DDX4: variants seen among roughly 807,000 people sequenced by gnomAD.
The protein encoded by DDX4 is DEAD-box helicase 4.
In DDX4, 25 loss-of-function variants were observed where a neutral mutation model predicts 100.0. The ratio of observed to expected loss-of-function variants is 0.25; its 90% CI spans 0.18 to 0.35. The LOEUF (loss-of-function observed/expected upper bound fraction) is 0.35. Among genes scored for constraint, DDX4 ranks in the 10% least tolerant of loss-of-function variants. The pLI is 1.00. For missense variants in DDX4, 635 were observed against 882.4 expected, an observed-to-expected ratio of 0.72 and a Z score of 3.55; for synonymous variants, 259 against 275.7, an observed-to-expected ratio of 0.94 and a Z score of 0.60.
chr5:55,785,200 T>A lies in DDX4; in HGVS notation c.626-97T>A, dbSNP rs1254344660. On this transcript the variant is annotated intron_variant, in intron 10 of 21. Coordinates refer to ENST00000505374, the MANE Select transcript of DDX4 (RefSeq NM_024415.3). The stretch of plus-strand genomic sequence containing the variant: ...TATTTGTAAGAAGGGAATTTAAAGT[T>A]TTTTGGAACTTGTTCTCTTTGAAGA... 4 of 800,332 alleles carry A rather than the reference T, an allele frequency of 5.0e-6. No individual in the cohort carries two copies. In the African/African-American group the frequency reaches 6.9e-5, roughly 14 times the overall value. The allele number at this position is 800,332 out of a possible 1,614,324, so 49.6% of individuals were successfully genotyped here.
intron 7 of DDX4, among the ~76,000 whole-genome samples, chr5:55,779,310 G>A (rs544552214): frequency 6.6e-6 from 1 of 152,188 alleles, no homozygotes; most frequent in South Asian, 2.1e-4. Flanking sequence ...TTCAGAAATA[G>A]CATATATAGA....
At chr5:55,767,795 A>G in intron 6 of DDX4, 86 bp from the exon 7 acceptor site, 1 of 912,956 alleles carries the variant, frequency 1.1e-6, no homozygotes, top group South Asian at 2.0e-5. Flanking sequence ...TCTTCTTACT[A>G]ATTTATCTTG....
intron 14 of DDX4, among the ~76,000 whole-genome samples, chr5:55,787,186 T>C (rs1742298330): frequency 6.6e-6 from 1 of 152,238 alleles, no homozygotes; most frequent in Non-Finnish European, 1.5e-5. Context: ...GAGACTCTTA[T>C]TTCTATGATC....
intron 7 of DDX4, among the ~76,000 whole-genome samples, chr5:55,770,306 T>C (rs1212604748): frequency 6.6e-6 from 1 of 152,204 alleles, no homozygotes; most frequent in Non-Finnish European, 1.5e-5. Context: ...TGGGGATGTC[T>C]TTGTCTCTGA....
chr5:55,782,793 CTTTTCTTTT>C (rs905559418), intron 10 of DDX4, among the ~76,000 whole-genome samples: 1 of 147,742 alleles, frequency 6.8e-6, no homozygotes, highest in African/African-American at 2.5e-5. Context: ...AAAGTTTTTT[CTTTTCTTTT>C]TTTTTTTTTT....
intron 6 of DDX4, among the ~76,000 whole-genome samples, chr5:55,766,446 T>G (rs1740931344): frequency 6.6e-6 from 1 of 151,844 alleles, no homozygotes; most frequent in South Asian, 2.1e-4. Context: ...TTGTTTTTTT[T>G]TTTTTTTTCT....
chr5:55,769,862 T>C (rs961684037), intron 7 of DDX4, among the ~76,000 whole-genome samples: 12 of 151,378 alleles, frequency 7.9e-5, no homozygotes, highest in African/African-American at 2.7e-4. Context: ...AATAATGCCT[T>C]CTTTTACTTT....
In DDX4 at chr5:55,815,072, G is replaced by A. The variant is rs1211247255; in HGVS notation, c.1887G>A (p.Gly629=). The change falls in exon 20 of 22, where the codon GGG becomes GGA. Residue 629 remains glycine (G), a synonymous_variant. Coordinates refer to ENST00000505374, the MANE Select transcript of DDX4 (RefSeq NM_024415.3). Reference sequence around the variant, plus strand: ...TTGATGAATATGTTCATCGAATTGGGCGTACTGGTCGTTGTGGGAATACTG... The same window carrying A: ...TTGATGAATATGTTCATCGAATTGGACGTACTGGTCGTTGTGGGAATACTG... ...STIDEYVHRI[G]RTGRCGNTGR... The A allele has an allele frequency of 6.2e-7, 1 of 1,614,110 alleles. No homozygotes were observed. The highest frequency in any genetic ancestry group is 1.7e-5 in the Admixed American group (1 of 60,016).
At chr5:55,803,272 A>G (rs906878024) in intron 18 of DDX4, among the ~76,000 whole-genome samples, 4 of 151,992 alleles carry the variant, frequency 2.6e-5, no homozygotes, top group South Asian at 2.1e-4. Flanking sequence ...TACAAAGGAC[A>G]TGAACTCATC....
At chr5:55,779,582 A>G (rs1372411177) in intron 7 of DDX4, among the ~76,000 whole-genome samples, 2 of 152,208 alleles carry the variant, frequency 1.3e-5, no homozygotes, top group Non-Finnish European at 2.9e-5. Flanking sequence ...TGCTTTGAGT[A>G]AGATGTTTAC....
chr5:55,781,815 G>T, intron 9 of DDX4, 119 bp from the exon 10 acceptor site: 3 of 967,660 alleles, frequency 3.1e-6, no homozygotes, highest in African/African-American at 1.7e-5. Context: ...AGAGATGGAT[G>T]GGTTAAAGGA....
chr5:55,785,692 C>T, intron 12 of DDX4, 37 bp from the exon 13 acceptor site: 1 of 1,574,394 alleles, frequency 6.4e-7, no homozygotes. Flanking sequence ...CTTGTAGTCT[C>T]TGTAACGTAC....
chr5:55,786,864 G>A (rs1434057215), intron 14 of DDX4, among the ~76,000 whole-genome samples, 194 bp downstream of exon 14: 1 of 152,200 alleles, frequency 6.6e-6, no homozygotes, highest in East Asian at 1.9e-4. Context: ...TATTCCTGGG[G>A]TGGTGTTGCT....
At position 55,779,448 on chromosome 5, in the gene DDX4, C is replaced by G. The variant is rs142157161; in HGVS notation, c.395-516C>G. ...TCTGGTTCTGCCCTATGAGTCTGCC[C>G]TATGAGTCTGCTCTATGTGCAATTA... On this transcript the variant is annotated intron_variant, in intron 7 of 21. Coordinates refer to ENST00000505374, the MANE Select transcript of DDX4 (RefSeq NM_024415.3). Among the ~76,000 whole-genome samples, 616 of 152,230 alleles carry G rather than the reference C, an allele frequency of 4.0e-3. 5 individuals carry two copies. Among genetic ancestry groups the G allele is most frequent in the African/African-American group, 0.014 (593 of 41,554 alleles).
chr5:55,754,599 A>T (rs1245854489), intron 3 of DDX4, among the ~76,000 whole-genome samples: 2 of 151,274 alleles, frequency 1.3e-5, no homozygotes, highest in Admixed American at 6.6e-5. Context: ...GGATTTTTGC[A>T]TCAATGTTCA....
chr5:55,774,184 C>G (rs995910967), intron 7 of DDX4, among the ~76,000 whole-genome samples: 1 of 150,324 alleles, frequency 6.7e-6, no homozygotes, highest in Non-Finnish European at 1.5e-5. Flanking sequence ...GAGTCTCGCT[C>G]TGTCACCCAG....
chr5:55,767,789 C>A, intron 6 of DDX4, 92 bp from the exon 7 acceptor site: 1 of 836,616 alleles, frequency 1.2e-6, no homozygotes, highest in Non-Finnish European at 1.8e-6. Context: ...ATTTTGTCTT[C>A]TTACTAATTT....
intron 16 of DDX4, among the ~76,000 whole-genome samples, chr5:55,792,123 CAAA>C (rs35635463): frequency 2.0e-3 from 104 of 52,042 alleles, no homozygotes; most frequent in African/African-American, 3.8e-3. Flanking sequence ...GACTCCTTCT[CAAA>C]AAAAAAAAAA....
intron 3 of DDX4, 102 bp from the exon 4 acceptor site, chr5:55,760,098 A>G (rs967554486): frequency 2.4e-6 from 3 of 1,273,656 alleles, no homozygotes; most frequent in East Asian, 2.9e-5. Flanking sequence ...TTACTGCTAT[A>G]TAAAATTTCT....
Sources: gnomAD v4.1 joint callset for allele counts (sites outside exome capture counted in the v4.1 genomes callset) on GRCh38, gnomAD v4.1.1 for gene constraint, MANE v1.5 for transcripts, NCBI Gene and HGNC (gene_info 2026-07-23, HGNC 2026-07-21) for gene names.